The following ISL2 variants were observed in gnomAD, a reference collection of about 807,000 sequenced individuals.
ISL2 encodes insulin gene enhancer protein ISL-2.
A neutral mutation model predicts 34.6 loss-of-function variants in ISL2; 17 were observed. The ratio of observed to expected loss-of-function variants is 0.49; its 90% CI spans 0.34 to 0.74. ISL2 has a LOEUF of 0.74. Among genes scored for constraint, ISL2 ranks in the 30% least tolerant of loss-of-function variants. The pLI, the probability that ISL2 is intolerant of heterozygous loss-of-function variation, is 0.01. For synonymous variants in ISL2, 232 were observed against 225.5 expected (o/e 1.03, Z -0.26); for missense variants, 469 against 515.2 (o/e 0.91, Z 0.87).
intron 4 of ISL2, 61 bp downstream of exon 4, chr15:76,340,620 C>A: frequency 6.6e-7 from 1 of 1,523,370 alleles, no homozygotes; most frequent in South Asian, 1.2e-5. Context: ...GCCGCGGTAT[C>A]TGCGTGCCCT....
chr15:76,339,487 G>A (rs2040177314), intron 3 of ISL2: 2 of 985,674 alleles, frequency 2.0e-6, no homozygotes, highest in South Asian at 4.7e-5. Flanking sequence ...CTGGGATCTC[G>A]GAGAGGCTCC....
At chr15:76,338,016 G>A (rs1226733722) in intron 2 of ISL2, 49 bp downstream of exon 2, 4 of 1,475,282 alleles carry the variant, frequency 2.7e-6, no homozygotes, top group Admixed American at 2.3e-5. Flanking sequence ...AGGGGCCGGG[G>A]CCGGGACTGG....
At chr15:76,337,446 C>T (rs987918975) in intron 1 of ISL2, 2 of 350,190 alleles carry the variant, frequency 5.7e-6, no homozygotes, top group African/African-American at 4.2e-5. Flanking sequence ...GTGTTGATAT[C>T]CAGGCGTCCG....
chr15:76,336,828 G>A lies in ISL2; in HGVS notation c.-56G>A. ...TTAGCAAAGAGCCGAGGCCGGGCGC[G>A]CGACCCTCGTCCTTCTGCCCCTGGC... On this transcript the variant is annotated 5_prime_UTR_variant, in exon 1 of 6. Coordinates refer to ENST00000290759, the MANE Select transcript of ISL2 (RefSeq NM_145805.3). The A allele has an allele frequency of 6.6e-7, 1 of 1,517,684 alleles. No individual in the cohort carries two copies. Among genetic ancestry groups the A allele is most frequent in the Non-Finnish European group, 9.2e-7 (1 of 1,092,858 alleles). 94.0% of individuals were successfully genotyped at this position (1,517,684 alleles called of 1,614,324 possible).
chr15:76,339,149 C>A (rs142512669), intron 3 of ISL2: 1 of 985,238 alleles, frequency 1.0e-6, no homozygotes, highest in African/African-American at 1.7e-5. Context: ...TGGGCAGGTA[C>A]GGCTGAACAG....
At chr15:76,338,003 C>T in intron 2 of ISL2, 36 bp downstream of exon 2, 5 of 1,517,766 alleles carry the variant, frequency 3.3e-6, no homozygotes, top group Non-Finnish European at 4.4e-6. Context: ...GGCCACCGCG[C>T]GCAGGGGCCG....
chr15:76,340,523 G>A lies in ISL2; in HGVS notation c.759G>A (p.Met253Ile), dbSNP rs752559868. Residue 253 changes from methionine (M) to isoleucine (I), a missense_variant, in exon 4 of 6, where the codon ATG (methionine) becomes ATA (isoleucine). Physicochemically the swap from Met to Ile is conservative, Grantham distance 10 (BLOSUM62 1). Coordinates refer to ENST00000290759, the MANE Select transcript of ISL2 (RefSeq NM_145805.3). Reference sequence around the variant, plus strand: ...AGGACAAGAAGAAATCCATTCTCATGAAGCAGCTGCAGCAGCAGCAGCACA... The same window carrying A: ...AGGACAAGAAGAAATCCATTCTCATAAAGCAGCTGCAGCAGCAGCAGCACA... ...RCKDKKKSIL[M>I]KQLQQQQHSD... 1 of 1,611,832 alleles carries A rather than the reference G, an allele frequency of 6.2e-7. No individual in the cohort carries two copies. Among genetic ancestry groups the A allele is most frequent in the Admixed American group, 1.7e-5 (1 of 59,992 alleles).
Position 76,340,531 on chromosome 15 carries a change from TGCAGCA to T in ISL2, c.777_782del (p.Gln259_Gln260del), listed in dbSNP as rs748288543. The T allele has an allele frequency of 6.2e-7, 1 of 1,604,080 alleles. No individual in the cohort carries two copies. The highest frequency in any genetic ancestry group is 1.7e-5 in the Admixed American group (1 of 59,728). ...AAGAAATCCATTCTCATGAAGCAGC[TGCAGCA>T]GCAGCAGCACAGCGACAAGACGGTG... On this transcript the variant is annotated inframe_deletion, in exon 4 of 6. Transcript: ENST00000290759.
chr15:76,338,199 G>A (rs1273170155), intron 2 of ISL2, 53 bp from the exon 3 acceptor site: 5 of 1,510,152 alleles, frequency 3.3e-6, no homozygotes, highest in Non-Finnish European at 4.4e-6. Context: ...CAGCCAGGGA[G>A]ATGAGGGCGG....
chr15:76,340,426 A>G lies in ISL2; in HGVS notation c.662A>G (p.Lys221Arg). 1 of 1,613,796 alleles carries G rather than the reference A, an allele frequency of 6.2e-7. No homozygotes were observed. The highest frequency in any genetic ancestry group is 8.5e-7 in the Non-Finnish European group (1 of 1,179,976). ...AACCCGCGGCCCGACGCTCTCATGA[A>G]GGAGCAGCTGGTGGAGATGACCGGC... ...AANPRPDALMKEQLVEMTGLS... is the reference protein window; with the variant it reads ...AANPRPDALMREQLVEMTGLS... Residue 221 changes from lysine (K) to arginine (R), a missense_variant, in exon 4 of 6, where the codon AAG (lysine) becomes AGG (arginine). By Grantham distance (26) the Lys-to-Arg change is conservative. This residue lies in a region of ISL2 where 297 missense variants were observed against 337.8 expected (regional missense o/e 0.88). Coordinates refer to ENST00000290759, the MANE Select transcript of ISL2 (RefSeq NM_145805.3).
At chr15:76,339,277 C>G (rs1465766110) in intron 3 of ISL2, 1 of 984,632 alleles carries the variant, frequency 1.0e-6, no homozygotes, top group Non-Finnish European at 1.2e-6. Context: ...CCCCGCTCCT[C>G]CCCTCTCTGG....
Position 76,342,307 on chromosome 15 carries a change from A to T in ISL2, c.*472A>T, listed in dbSNP as rs376804695. 28 of 156,784 alleles carry T rather than the reference A, an allele frequency of 1.8e-4. No individual in the cohort carries two copies. Among genetic ancestry groups the T allele is most frequent in the African/African-American group, 6.7e-4 (28 of 41,698 alleles). The allele number at this position is 156,784 out of a possible 1,614,324, so 9.7% of individuals were successfully genotyped here. A position where few individuals can be genotyped will look rare whatever the true frequency, so the allele number is the denominator to read the frequency against. ...ACTCCCAAAGCGCATGATTGCTGGG[A>T]AACAGTAGAAACCAGACTTGCCTTG... On this transcript the variant is annotated 3_prime_UTR_variant, in exon 6 of 6. Transcript: ENST00000290759.
Position 76,338,370 on chromosome 15 carries a change from C to G in ISL2, c.367C>G (p.Gln123Glu). 1.3e-6 allele frequency: 2 copies of G among 1,553,050 alleles called. No individual in the cohort carries two copies. Among genetic ancestry groups the G allele is most frequent in the Non-Finnish European group, 1.7e-6 (2 of 1,158,006 alleles). Reference sequence around the variant, plus strand: ...CTTCCGCTGCTCCGTGTGCAGCCGCCAGCTGCTGCCTGGGGACGAGTTCTC... The same window carrying G: ...CTTCCGCTGCTCCGTGTGCAGCCGCGAGCTGCTGCCTGGGGACGAGTTCTC... ...ECFRCSVCSRQLLPGDEFSLR... is the reference protein window; with the variant it reads ...ECFRCSVCSRELLPGDEFSLR... The change falls in exon 3 of 6, where the codon CAG becomes GAG. Residue 123 changes from glutamine to glutamate, a missense_variant. By Grantham distance (29) the Gln-to-Glu change is conservative. Coordinates refer to ENST00000290759, the MANE Select transcript of ISL2 (RefSeq NM_145805.3).
chr15:76,341,736 C>T lies in ISL2; in HGVS notation c.981C>T (p.Ser327=), dbSNP rs2040196224. The T allele has an allele frequency of 2.5e-6, 4 of 1,613,624 alleles. No homozygotes were observed. Among genetic ancestry groups the T allele is most frequent in the African/African-American group, 2.7e-5 (2 of 74,908 alleles). Residue 327 remains serine (S), a synonymous_variant, in exon 6 of 6, where the codon TCC becomes TCT. Transcript: ENST00000290759. ...AFQQLVSFSE[S]GSLGNSSGSD... Reference sequence around the variant, plus strand: ...CGCCCCAGGTCTCCTTCTCCGAGTCCGGCTCCCTAGGCAACTCCTCCGGCA... The same window carrying T: ...CGCCCCAGGTCTCCTTCTCCGAGTCTGGCTCCCTAGGCAACTCCTCCGGCA...
chr15:76,337,796 T>A lies in ISL2; in HGVS notation c.77T>A (p.Met26Lys). 6.2e-7 allele frequency: 1 copy of A among 1,601,336 alleles called. No homozygotes were observed. The highest frequency in any genetic ancestry group is 2.3e-5 in the East Asian group (1 of 44,092). Residue 26 changes from methionine (M) to lysine (K), a missense_variant, in exon 2 of 6, where the codon ATG becomes AAG. This residue lies in a region of ISL2 where 297 missense variants were observed against 337.8 expected (regional missense o/e 0.88). Transcript: ENST00000290759. ...CCGGCAGAGAAGCCCGGGACGGCCA[T>A]GTGCGTGGGCTGCGGGAGTCAGATC... ...DHSKKKPGTA[M>K]CVGCGSQIHD...
intron 3 of ISL2, chr15:76,339,107 C>T (rs148415533): frequency 2.0e-6 from 2 of 985,390 alleles, no homozygotes; most frequent in African/African-American, 3.5e-5. Context: ...TCCTAATCAG[C>T]AGCTGCCCAG....
rs774994882 is a variant in ISL2 at position 76,337,786 on chromosome 15, G to A, written c.67G>A (p.Gly23Arg). 1.9e-6 allele frequency: 3 copies of A among 1,591,952 alleles called. No homozygotes were observed. The highest frequency in any genetic ancestry group is 1.7e-6 in the Non-Finnish European group (2 of 1,166,986). Residue 23 changes from glycine to arginine, a missense_variant, in exon 2 of 6, where the codon GGG becomes AGG. Gly to Arg is a moderately radical substitution (Grantham distance 125, BLOSUM62 -2). Around this residue, in one of 3 missense-constraint regions of ISL2, gnomAD observed 297 missense variants for 337.8 expected, o/e 0.88. Transcript: ENST00000290759. ...AMGDHSKKKP[G>R]TAMCVGCGSQ... ...GCGCCCTTCCCCGGCAGAGAAGCCCGGGACGGCCATGTGCGTGGGCTGCGG... is the reference window on the plus strand; with the variant it reads ...GCGCCCTTCCCCGGCAGAGAAGCCCAGGACGGCCATGTGCGTGGGCTGCGG...
Position 76,338,318 on chromosome 15 carries a change from G to T in ISL2, c.315G>T (p.Ala105=). The change falls in exon 3 of 6, where the codon GCG becomes GCT. Residue 105 remains alanine, a synonymous_variant. Coordinates refer to ENST00000290759, the MANE Select transcript of ISL2 (RefSeq NM_145805.3). ...GFSSSDLVMR[A]RDSVYHIECF... ...GCAGCAGCGACCTGGTGATGAGGGC[G>T]CGGGACAGCGTGTACCACATCGAGT... 1 of 1,583,540 alleles carries T rather than the reference G, an allele frequency of 6.3e-7. No individual in the cohort carries two copies. The highest frequency in any genetic ancestry group is 1.1e-5 in the South Asian group (1 of 88,522).
rs1415862619 is a variant in ISL2 at position 76,341,198 on chromosome 15, T to C, written c.860T>C (p.Val287Ala). ...AGTCCCATCCGCCATGAGAACGCCG[T>C]GCAGGGCAGCGCAGTGGAGGTGCAG... ...AGSPIRHENA[V>A]QGSAVEVQTY... is the part of the protein sequence containing the mutation. Residue 287 changes from valine (V) to alanine (A), a missense_variant, in exon 5 of 6, where the codon GTG (valine) becomes GCG (alanine). Physicochemically the swap from Val to Ala is moderately conservative, Grantham distance 64. Around this residue, in one of 3 missense-constraint regions of ISL2, gnomAD observed 169 missense variants for 154.2 expected, o/e 1.10. Coordinates refer to ENST00000290759, the MANE Select transcript of ISL2 (RefSeq NM_145805.3). 3 of 1,612,846 alleles carry C rather than the reference T, an allele frequency of 1.9e-6. No individual in the cohort carries two copies. The highest frequency in any genetic ancestry group is 2.5e-6 in the Non-Finnish European group (3 of 1,179,946).
Sources: allele counts gnomAD v4.1 joint callset, GRCh38; gene constraint gnomAD v4.1.1; regional missense constraint gnomAD v4.1.1; transcripts MANE v1.5; gene names NCBI Gene and HGNC (gene_info 2026-07-23, HGNC 2026-07-21).